NEBL: variants seen among roughly 807,000 people sequenced by gnomAD.
The protein encoded by NEBL is LIM and SH3 protein 2.
NEBL carries 122 observed loss-of-function variants against 140.2 expected under a neutral mutation model. The ratio of observed to expected loss-of-function variants is 0.87; its 90% CI spans 0.75 to 1.01. The LOEUF (loss-of-function observed/expected upper bound fraction) is 1.01, where lower values mean the gene tolerates loss of function less well. Among genes scored for constraint, NEBL ranks in the 50% least tolerant of loss-of-function variants. The pLI, the probability that NEBL is intolerant of heterozygous loss-of-function variation, is 0.00. For synonymous variants in NEBL, 436 were observed against 398.9 expected (o/e 1.09, Z -1.11); for missense variants, 1,365 against 1,231.3 (o/e 1.11, Z -1.62).
intron 2 of NEBL, chr10:21,029,010 A>G: frequency 1.0e-5 from 7 of 700,270 alleles, no homozygotes; most frequent in Non-Finnish European, 1.4e-5. Flanking sequence ...TGGCGGCCTC[A>G]GCAAAAAAGA....
chr10:20,889,406 A>G (rs531691261), intron 3 of NEBL, among the ~76,000 whole-genome samples: 1 of 152,218 alleles, frequency 6.6e-6, no homozygotes, highest in African/African-American at 2.4e-5. Flanking sequence ...GTTTAAATAC[A>G]TTTAAAATTA....
chr10:20,819,238 C>G (rs921198626), intron 20 of NEBL, 186 bp downstream of exon 20: 2 of 1,042,608 alleles, frequency 1.9e-6, no homozygotes, highest in African/African-American at 3.2e-5. Context: ...GTCCAACAGG[C>G]TCCGGTGTCT....
chr10:21,227,711 T>TTCTTCC (rs1456600511), intron 3 of NEBL, among the ~76,000 whole-genome samples: 1 of 46,424 alleles, frequency 2.2e-5, no homozygotes, highest in Non-Finnish European at 5.0e-5. Context: ...CTTCTTCTTC[T>TTCTTCC]TTCTTCTTCT....
intron 2 of NEBL, among the ~76,000 whole-genome samples, chr10:21,048,564 C>T (rs376456870): frequency 1.3e-4 from 19 of 151,754 alleles, no homozygotes; most frequent in African/African-American, 4.6e-4. Context: ...TCTTAGAGTC[C>T]TTCCAAGAAA....
chr10:20,853,895 G>A (rs1251481500), intron 9 of NEBL, among the ~76,000 whole-genome samples: 1 of 152,174 alleles, frequency 6.6e-6, no homozygotes, highest in Non-Finnish European at 1.5e-5. Context: ...GAATTGAAAT[G>A]TTCCTAACAG....
intron 5 of NEBL, among the ~76,000 whole-genome samples, chr10:20,872,849 A>T (rs745853889): frequency 6.6e-5 from 10 of 152,228 alleles, no homozygotes; most frequent in Non-Finnish European, 1.3e-4. Context: ...TGGTCTAAAA[A>T]GGGGAGGCAT....
intron 3 of NEBL, among the ~76,000 whole-genome samples, chr10:20,970,822 C>G (rs1351126158): frequency 6.6e-6 from 1 of 152,132 alleles, no homozygotes; most frequent in African/African-American, 2.4e-5. Flanking sequence ...CTGACATCCA[C>G]CTGCCCAGCA....
intron 19 of NEBL, among the ~76,000 whole-genome samples, chr10:20,822,593 T>A (rs980128146): frequency 3.3e-5 from 5 of 151,300 alleles, no homozygotes; most frequent in African/African-American, 2.4e-5. Context: ...CTATCTAATA[T>A]AGACTATATA....
chr10:21,010,741 A>G (rs1838306669), intron 3 of NEBL, among the ~76,000 whole-genome samples: 1 of 152,270 alleles, frequency 6.6e-6, no homozygotes, highest in Non-Finnish European at 1.5e-5. Context: ...AAGTCATGTA[A>G]CATGGCATAA....
chr10:21,281,509 A>G (rs1842994177), intron 1 of NEBL, among the ~76,000 whole-genome samples: 1 of 151,122 alleles, frequency 6.6e-6, no homozygotes, highest in Non-Finnish European at 1.5e-5. Context: ...TAATTAATAG[A>G]CATTTTTAGA....
chr10:21,035,332 C>G (rs926330344), intron 2 of NEBL, among the ~76,000 whole-genome samples: 1 of 144,402 alleles, frequency 6.9e-6, no homozygotes, highest in Non-Finnish European at 1.5e-5. Flanking sequence ...TCCTTCCCCC[C>G]GCCCCCCAAA....
intron 2 of NEBL, among the ~76,000 whole-genome samples, chr10:21,050,960 C>A (rs1172790069): frequency 6.6e-6 from 1 of 152,166 alleles, no homozygotes. Flanking sequence ...TGCCTATTGA[C>A]TTTGCACCTA....
At chr10:21,100,443 T>A (rs1837428936) in intron 2 of NEBL, among the ~76,000 whole-genome samples, 1 of 152,204 alleles carries the variant, frequency 6.6e-6, no homozygotes, top group Admixed American at 6.5e-5. Context: ...GAATCGATGT[T>A]GCTAAGCAAC....
intron 3 of NEBL, among the ~76,000 whole-genome samples, chr10:21,010,077 T>C (rs1371525923): frequency 1.3e-5 from 2 of 152,220 alleles, no homozygotes; most frequent in East Asian, 3.9e-4. Flanking sequence ...AAAAAATACA[T>C]TGTTAGGAAA....
intron 24 of NEBL, among the ~76,000 whole-genome samples, chr10:20,812,428 G>A (rs1011303854): frequency 5.3e-5 from 8 of 151,472 alleles, no homozygotes; most frequent in Non-Finnish European, 8.8e-5. Context: ...CCCTTAACTC[G>A]TCATTTACAT....
chr10:20,854,216 G>C (rs1211401026), intron 9 of NEBL, among the ~76,000 whole-genome samples: 1 of 152,158 alleles, frequency 6.6e-6, no homozygotes, highest in Non-Finnish European at 1.5e-5. Flanking sequence ...TGGGGTACCA[G>C]TAAAAATGGC....
At chr10:21,072,904 T>A (rs1005323682) in intron 2 of NEBL, among the ~76,000 whole-genome samples, 1 of 152,106 alleles carries the variant, frequency 6.6e-6, no homozygotes, top group African/African-American at 2.4e-5. Context: ...GGCATGAGAA[T>A]TGCTTAAACC....
intron 3 of NEBL, among the ~76,000 whole-genome samples, chr10:20,991,637 A>G (rs918749808): frequency 1.3e-5 from 2 of 150,986 alleles, no homozygotes; most frequent in Non-Finnish European, 3.0e-5. Flanking sequence ...TTTTATATTC[A>G]GGGGTACCGG....
At chr10:20,862,774 A>T (rs1843848673) in intron 7 of NEBL, among the ~76,000 whole-genome samples, 1 of 152,146 alleles carries the variant, frequency 6.6e-6, no homozygotes. Context: ...TACCTACATA[A>T]TTATTCTGGA....
Sources: allele counts gnomAD v4.1 joint callset (sites outside exome capture counted in the v4.1 genomes callset), GRCh38; gene constraint gnomAD v4.1.1; transcripts MANE v1.5; gene names NCBI Gene and HGNC (gene_info 2026-07-23, HGNC 2026-07-21).